Variants in ALCAM observed in about 807,000 individuals in gnomAD.
ALCAM encodes CD166 antigen.
In ALCAM, 30 loss-of-function variants were observed where a neutral mutation model predicts 70.9. The observed-to-expected ratio is 0.42, with a 90% CI of 0.32 to 0.57. ALCAM has a LOEUF of 0.57. Among genes scored for constraint, ALCAM ranks in the 20% least tolerant of loss-of-function variants. ALCAM has a pLI of 0.11. For missense variants in ALCAM, 591 were observed against 695.1 expected, an observed-to-expected ratio of 0.85 and a Z score of 1.68; for synonymous variants, 249 against 242.5, an observed-to-expected ratio of 1.03 and a Z score of -0.25.
At chr3:105,381,190 G>T (rs967050586) in intron 1 of ALCAM, among the ~76,000 whole-genome samples, 24 of 151,928 alleles carry the variant, frequency 1.6e-4, no homozygotes, top group African/African-American at 5.6e-4. Context: ...AAGCTCTTAA[G>T]AGGTGTTAGT....
chr3:105,506,596 A>G (rs1358147891), intron 1 of ALCAM, among the ~76,000 whole-genome samples: 1 of 152,210 alleles, frequency 6.6e-6, no homozygotes, highest in Non-Finnish European at 1.5e-5. Context: ...GAGTAGGAAC[A>G]GTGAACTTTT....
intron 1 of ALCAM, among the ~76,000 whole-genome samples, chr3:105,451,813 G>C (rs761701558): frequency 4.6e-5 from 7 of 152,238 alleles, no homozygotes; most frequent in Middle Eastern, 6.8e-3. Flanking sequence ...ATATTGGCAA[G>C]GATAATTGAG....
chr3:105,458,206 C>T (rs528955052), intron 1 of ALCAM, among the ~76,000 whole-genome samples: 2 of 152,160 alleles, frequency 1.3e-5, no homozygotes, highest in Admixed American at 1.3e-4. Flanking sequence ...CATTATACAA[C>T]TGTAGGAAAT....
intron 14 of ALCAM, among the ~76,000 whole-genome samples, chr3:105,554,641 A>G (rs1260017405): frequency 6.6e-6 from 1 of 151,944 alleles, no homozygotes; most frequent in Non-Finnish European, 1.5e-5. Context: ...AACACTTCAC[A>G]TGGGTTTGTG....
At chr3:105,399,618 A>G (rs973243433) in intron 1 of ALCAM, among the ~76,000 whole-genome samples, 2 of 152,204 alleles carry the variant, frequency 1.3e-5, no homozygotes, top group Admixed American at 1.3e-4. Context: ...GCAAAAGACT[A>G]TATCCAGTTA....
chr3:105,519,698 C>T (rs1353616349), intron 1 of ALCAM, among the ~76,000 whole-genome samples: 1 of 152,110 alleles, frequency 6.6e-6, no homozygotes, highest in Non-Finnish European at 1.5e-5. Context: ...TGTAGTCCCA[C>T]ATTTCTATAA....
chr3:105,474,208 G>A (rs2152604509), intron 1 of ALCAM, among the ~76,000 whole-genome samples: 1 of 151,828 alleles, frequency 6.6e-6, no homozygotes, highest in South Asian at 2.1e-4. Flanking sequence ...CAAGAATTTT[G>A]ATGCTGTTCT....
rs184357677 is a variant in ALCAM at position 105,520,772 on chromosome 3, A to G, written c.174+605A>G. Among the ~76,000 whole-genome samples the G allele has an allele frequency of 5.9e-5, 9 of 152,228 alleles. No individual in the cohort carries two copies. In the East Asian group the frequency reaches 1.5e-3, roughly 26 times the overall value. ...GGAGGGTAGAGATCCTGGTAGGGAG[A>G]TGTGGAATGGCTATGTAACTTTGAG... On this transcript the variant is annotated intron_variant, in intron 2 of 15. Coordinates refer to ENST00000306107, the MANE Select transcript of ALCAM (RefSeq NM_001627.4).
At chr3:105,405,766 C>A (rs907086215) in intron 1 of ALCAM, among the ~76,000 whole-genome samples, 16 of 152,152 alleles carry the variant, frequency 1.1e-4, no homozygotes, top group Non-Finnish European at 4.4e-5. Flanking sequence ...CAAAGCCATG[C>A]AAATACATGG....
intron 3 of ALCAM, among the ~76,000 whole-genome samples, chr3:105,528,892 C>A (rs6793123): frequency 0.7 from 106,636 of 152,144 alleles, 37,643 homozygotes; most frequent in East Asian, 0.93. Flanking sequence ...AAAAGTATTA[C>A]AAACCGAAAC....
intron 3 of ALCAM, among the ~76,000 whole-genome samples, chr3:105,529,753 A>G (rs1939793217): frequency 1.3e-5 from 2 of 152,150 alleles, no homozygotes; most frequent in African/African-American, 4.8e-5. Flanking sequence ...AACAAAACAC[A>G]CATGACCATG....
chr3:105,477,850 T>G (rs745490945), intron 1 of ALCAM, among the ~76,000 whole-genome samples: 59 of 151,792 alleles, frequency 3.9e-4, no homozygotes, highest in Admixed American at 1.1e-3. Context: ...ATTCTGCTAT[T>G]AAGTTCAAAT....
At chr3:105,537,368 GC>G (rs1939996646) in intron 6 of ALCAM, among the ~76,000 whole-genome samples, 2 of 152,110 alleles carry the variant, frequency 1.3e-5, no homozygotes, top group South Asian at 4.1e-4. Context: ...CAAATAAACT[GC>G]CCTCCAAACT....
chr3:105,486,740 A>G (rs993885234), intron 1 of ALCAM, among the ~76,000 whole-genome samples: 2 of 152,160 alleles, frequency 1.3e-5, no homozygotes, highest in Non-Finnish European at 2.9e-5. Flanking sequence ...TCAGCTTCTT[A>G]TAGTTAACCA....
At chr3:105,468,018 A>T (rs1413254011) in intron 1 of ALCAM, among the ~76,000 whole-genome samples, 1 of 151,354 alleles carries the variant, frequency 6.6e-6, no homozygotes, top group Non-Finnish European at 1.5e-5. Flanking sequence ...GGTAATTTAT[A>T]TCAACTCTCA....
intron 1 of ALCAM, among the ~76,000 whole-genome samples, chr3:105,459,770 G>C (rs1281411861): frequency 2.0e-5 from 3 of 152,012 alleles, no homozygotes; most frequent in African/African-American, 7.2e-5. Flanking sequence ...CATCATTGCT[G>C]TGTGATTAAT....
rs1940947419 is a variant in ALCAM, at chr3:105,575,630, T to C, written c.*1179T>C. 1 of 152,514 alleles carries C rather than the reference T, an allele frequency of 6.6e-6. No individual in the cohort carries two copies. The highest frequency in any genetic ancestry group is 2.1e-4 in the South Asian group (1 of 4,824). The allele number at this position is 152,514 out of a possible 1,614,324, so 9.4% of individuals were successfully genotyped here. A position where few individuals can be genotyped will look rare whatever the true frequency, so the allele number is the denominator to read the frequency against. On this transcript the variant is annotated 3_prime_UTR_variant, in exon 16 of 16. Coordinates refer to ENST00000306107, the MANE Select transcript of ALCAM (RefSeq NM_001627.4). ...TCAAATTTGTAACTTTATAAACATG[T>C]TTTATGCTTGAGGAAATTTTTAAGG...
intron 1 of ALCAM, among the ~76,000 whole-genome samples, chr3:105,465,137 GTA>G (rs1433511403): frequency 6.6e-6 from 1 of 151,430 alleles, no homozygotes; most frequent in African/African-American, 2.4e-5. Flanking sequence ...AAAGGCTTGT[GTA>G]TATTGTTCAT....
At chr3:105,460,312 A>G (rs908978815) in intron 1 of ALCAM, among the ~76,000 whole-genome samples, 1 of 152,058 alleles carries the variant, frequency 6.6e-6, no homozygotes, top group Non-Finnish European at 1.5e-5. Flanking sequence ...TTTCTCTCAC[A>G]TGCAGTGCTT....
Sources: allele counts gnomAD v4.1 joint callset (sites outside exome capture counted in the v4.1 genomes callset), GRCh38; gene constraint gnomAD v4.1.1; transcripts MANE v1.5; gene names NCBI Gene and HGNC (gene_info 2026-07-23, HGNC 2026-07-21).